ZNF618: variants seen among roughly 807,000 people sequenced by gnomAD.
ZNF618 encodes the protein zinc finger protein 618, also known as neural precursor cell expressed, developmentally down-regulated 10.
Under a neutral mutation model 103.0 loss-of-function variants are expected in ZNF618, and 34 were observed. That is an observed-to-expected ratio of 0.33 (90% CI 0.25 to 0.44). The LOEUF is 0.44. Ranked by LOEUF, ZNF618 falls within the 20% of genes least tolerant of loss-of-function variation. The probability of loss-of-function intolerance (pLI) is 1.00; values close to 1 mark genes in which losing one functional copy is unlikely to be tolerated. For synonymous variants in ZNF618, 551 were observed against 542.2 expected, an observed-to-expected ratio of 1.02 and a Z score of -0.23; for missense variants, 1,059 against 1,295.4, an observed-to-expected ratio of 0.82 and a Z score of 2.80.
rs766740728 is a variant in ZNF618 at position 114,005,431 on chromosome 9, G to A, written c.551-1919G>A. Among the ~76,000 whole-genome samples, 67 of 152,226 alleles carry A rather than the reference G, an allele frequency of 4.4e-4. 1 individual carries two copies. Among genetic ancestry groups the A allele is most frequent in the Admixed American group, 1.0e-3 (16 of 15,284 alleles). ...GTCAAAGAGATGTCACGGTGTCAGAGCAGGGTGGGGGTATTCTCAGCAGCA... is the reference window on the plus strand; with the variant it reads ...GTCAAAGAGATGTCACGGTGTCAGAACAGGGTGGGGGTATTCTCAGCAGCA... On this transcript the variant is annotated intron_variant, in intron 6 of 14. Coordinates refer to ENST00000374126, the MANE Select transcript of ZNF618 (RefSeq NM_001318042.2).
At chr9:114,046,758 G>A (rs1845693903) in intron 13 of ZNF618, among the ~76,000 whole-genome samples, 2 of 152,188 alleles carry the variant, frequency 1.3e-5, no homozygotes, top group South Asian at 4.1e-4. Context: ...AAAGGTGTTA[G>A]ATTTTGTCAA....
chr9:114,035,226 C>A lies in ZNF618; in HGVS notation c.1169-1074C>A. On this transcript the variant is annotated intron_variant, in intron 12 of 14. Coordinates refer to ENST00000374126, the MANE Select transcript of ZNF618 (RefSeq NM_001318042.2). ...TCCCCTGATTTCCAACCCTTTCCCT[C>A]TCCTACAGAGTAAGTGATGGTCCCG... 3.0e-6 allele frequency: 3 copies of A among 986,080 alleles called. No homozygotes were observed. In the South Asian group the frequency reaches 1.4e-4, roughly 46 times the overall value. The allele number at this position is 986,080 out of a possible 1,614,324, so 61.1% of individuals were successfully genotyped here.
intron 1 of ZNF618, among the ~76,000 whole-genome samples, chr9:113,884,603 T>C (rs1369188812): frequency 6.6e-6 from 1 of 152,136 alleles, no homozygotes; most frequent in African/African-American, 2.4e-5. Context: ...GGTAGTCCTT[T>C]CCATTGAGTA....
intron 11 of ZNF618, chr9:114,031,030 T>G (rs1304025998): frequency 1.3e-5 from 2 of 152,244 alleles, no homozygotes; most frequent in African/African-American, 4.8e-5. Flanking sequence ...AAGTGAAGTC[T>G]GATTCTGCCG....
At chr9:113,953,252 T>C (rs1835938609) in intron 1 of ZNF618, among the ~76,000 whole-genome samples, 1 of 152,214 alleles carries the variant, frequency 6.6e-6, no homozygotes, top group Admixed American at 6.5e-5. Flanking sequence ...CCCAGGCCTA[T>C]CCTCGGGAGA....
intron 2 of ZNF618, among the ~76,000 whole-genome samples, chr9:113,982,336 TCACTGC>T (rs1178192390): frequency 6.6e-6 from 1 of 152,126 alleles, no homozygotes; most frequent in African/African-American, 2.4e-5. Flanking sequence ...CTGATCTTTG[TCACTGC>T]CTGCTTCTGG....
At chr9:113,928,283 A>T (rs1282635021) in intron 1 of ZNF618, among the ~76,000 whole-genome samples, 2 of 151,944 alleles carry the variant, frequency 1.3e-5, no homozygotes, top group Non-Finnish European at 2.9e-5. Context: ...TATAGTTTCC[A>T]TCTCTTTGCT....
chr9:114,044,082 C>T (rs1845449271), intron 13 of ZNF618, among the ~76,000 whole-genome samples: 1 of 152,114 alleles, frequency 6.6e-6, no homozygotes, highest in South Asian at 2.1e-4. Flanking sequence ...GTTTTTGGTG[C>T]ATTTGCTTTG....
At chr9:113,990,540 C>G (rs1242009575) in intron 3 of ZNF618, among the ~76,000 whole-genome samples, 1 of 152,240 alleles carries the variant, frequency 6.6e-6, no homozygotes, top group Non-Finnish European at 1.5e-5. Flanking sequence ...GTTCACACTA[C>G]ACGTCCATTG....
rs374615228 is a variant in ZNF618 at position 114,047,855 on chromosome 9, C to T, written c.1247-38C>T. On this transcript the variant is annotated intron_variant, in intron 13 of 14. Transcript: ENST00000374126. The stretch of plus-strand genomic sequence containing the variant: ...ATCTCGTTCCTCAACAGGCCTCTTA[C>T]CCTTCCAGGTAACACACTGTCCCCT... 3.3e-4 allele frequency: 504 copies of T among 1,549,798 alleles called. 4 individuals are homozygous for T. The highest frequency in any genetic ancestry group is 3.3e-4 in the Admixed American group (17 of 52,260).
intron 1 of ZNF618, among the ~76,000 whole-genome samples, chr9:113,901,580 C>T (rs1007972274): frequency 6.6e-6 from 1 of 152,220 alleles, no homozygotes; most frequent in African/African-American, 2.4e-5. Flanking sequence ...CATGCTAAAC[C>T]CGGGCCCAGC....
intron 1 of ZNF618, among the ~76,000 whole-genome samples, chr9:113,889,225 G>A (rs989649193): frequency 2.0e-5 from 3 of 152,106 alleles, no homozygotes; most frequent in Non-Finnish European, 2.9e-5. Context: ...CTGAGGCAGA[G>A]TTATCTTAAA....
intron 1 of ZNF618, among the ~76,000 whole-genome samples, chr9:113,890,083 G>C (rs183784180): frequency 6.6e-6 from 1 of 152,328 alleles, no homozygotes. Context: ...TGACTACCCT[G>C]TCTCTGCATA....
intron 1 of ZNF618, among the ~76,000 whole-genome samples, chr9:113,914,474 G>A (rs539473540): frequency 1.3e-5 from 2 of 152,292 alleles, no homozygotes; most frequent in East Asian, 3.9e-4. Flanking sequence ...CTTTAAAGTT[G>A]CCTCAGTGTA....
chr9:113,956,431 A>G (rs1156337029), intron 1 of ZNF618, among the ~76,000 whole-genome samples: 1 of 152,136 alleles, frequency 6.6e-6, no homozygotes, highest in Non-Finnish European at 1.5e-5. Flanking sequence ...CTTAAACTAG[A>G]TGAAATGATT....
intron 1 of ZNF618, among the ~76,000 whole-genome samples, chr9:113,938,983 T>G (rs1365545413): frequency 6.8e-6 from 1 of 146,062 alleles, no homozygotes; most frequent in East Asian, 2.0e-4. Flanking sequence ...TTTAATAGTT[T>G]TCCAGTTGAT....
intron 3 of ZNF618, among the ~76,000 whole-genome samples, chr9:113,990,265 T>C (rs368794535): frequency 2.6e-5 from 4 of 152,302 alleles, no homozygotes; most frequent in East Asian, 3.9e-4. Flanking sequence ...ACTTTCTTTT[T>C]AGATTAGAGG....
chr9:114,010,170 G>A (rs562886478), intron 9 of ZNF618, among the ~76,000 whole-genome samples: 30 of 152,106 alleles, frequency 2.0e-4, no homozygotes, highest in Middle Eastern at 3.4e-3. Flanking sequence ...GTGTGGTGAC[G>A]CACACCTATA....
intron 2 of ZNF618, among the ~76,000 whole-genome samples, chr9:113,978,873 C>T (rs575772724): frequency 3.9e-5 from 6 of 152,028 alleles, no homozygotes; most frequent in Middle Eastern, 3.2e-3. Context: ...GGTGTGGGCC[C>T]GGAGCACCGC....
Sources: gnomAD v4.1 joint callset for allele counts (sites outside exome capture counted in the v4.1 genomes callset) on GRCh38, gnomAD v4.1.1 for gene constraint, MANE v1.5 for transcripts, NCBI Gene and HGNC (gene_info 2026-07-23, HGNC 2026-07-21) for gene names.